UTP20: variants seen among roughly 807,000 people sequenced by gnomAD.
UTP20 encodes UTP20 small subunit processome component.
In UTP20, 164 loss-of-function variants were observed where a neutral mutation model predicts 329.5. That is an observed-to-expected ratio of 0.50 (90% CI 0.44 to 0.57). The LOEUF (loss-of-function observed/expected upper bound fraction) is 0.57. UTP20 is among the 20% of genes least tolerant of loss of function. The pLI, the probability that UTP20 is intolerant of heterozygous loss-of-function variation, is 0.00. For missense variants in UTP20, 3,055 were observed against 3,284.2 expected (o/e 0.93, Z 1.71); for synonymous variants, 1,151 against 1,159.3 (o/e 0.99, Z 0.14).
At position 101,357,079 on chromosome 12, in the gene UTP20, C is replaced by T; in HGVS notation, c.5688C>T (p.Tyr1896=). ...TACAGACTACTCTTGTCCGTGGATACCAGGTAAATTGCATCTTGTGCTTTA... is the reference window on the plus strand; with the variant it reads ...TACAGACTACTCTTGTCCGTGGATATCAGGTAAATTGCATCTTGTGCTTTA... ...KELQTTLVRG[Y]QVHVLTFTVH... Residue 1896 remains tyrosine, a synonymous_variant, in exon 43 of 62, where the codon TAC becomes TAT. Transcript: ENST00000261637. The T allele has an allele frequency of 6.2e-7, 1 of 1,606,204 alleles. No individual in the cohort carries two copies. The highest frequency in any genetic ancestry group is 1.3e-5 in the African/African-American group (1 of 74,692).
rs538029322 is a variant in UTP20, at chr12:101,354,451, G to A, written c.5108-381G>A. Among the ~76,000 whole-genome samples, 24 of 151,942 alleles carry A rather than the reference G, an allele frequency of 1.6e-4. No homozygotes were observed. The South Asian group carries it at 3.3e-3, about 21-fold the overall frequency. On this transcript the variant is annotated intron_variant, in intron 40 of 61. Transcript: ENST00000261637. ...CCCACTAACTTGTAAAATTGTAATC[G>A]CATACCAGAAACTGACAAAGACTCT...
intron 21 of UTP20, among the ~76,000 whole-genome samples, chr12:101,316,569 G>T (rs901915360): frequency 4.6e-5 from 7 of 152,236 alleles, no homozygotes; most frequent in South Asian, 4.1e-4. Context: ...TAGTGTTATC[G>T]ATCTGGAGGT....
chr12:101,317,438 C>T (rs760663682), intron 21 of UTP20, 40 bp from the exon 22 acceptor site: 30 of 1,597,206 alleles, frequency 1.9e-5, no homozygotes, highest in South Asian at 3.4e-5. Context: ...GATTGGTGTG[C>T]GTTCTTCATC....
chr12:101,351,570 T>G (rs1013578031), intron 38 of UTP20, among the ~76,000 whole-genome samples: 7 of 149,088 alleles, frequency 4.7e-5, no homozygotes, highest in Non-Finnish European at 8.9e-5. Flanking sequence ...AGGGTACATG[T>G]GCAGGATGTG....
chr12:101,352,806 T>TATA (rs57621397), intron 39 of UTP20, among the ~76,000 whole-genome samples: 30,095 of 150,566 alleles, frequency 0.2, 6,639 homozygotes, highest in East Asian at 0.54. Flanking sequence ...AAACTTAAAG[T>TATA]ATAATAATAA....
chr12:101,303,483 G>A (rs1872576653), intron 15 of UTP20, among the ~76,000 whole-genome samples: 1 of 152,170 alleles, frequency 6.6e-6, no homozygotes, highest in Admixed American at 6.5e-5. Flanking sequence ...AGGGACGTAA[G>A]CCATGAGGAT....
Position 101,306,067 on chromosome 12 carries a change from TA to T in UTP20, c.1932+4del. On this transcript the variant is annotated splice_donor_region_variant and intron_variant, in intron 16 of 61. Coordinates refer to ENST00000261637, the MANE Select transcript of UTP20 (RefSeq NM_014503.3). ...AACATTTCAACTGGTGTATCCAAGGTAATGGTGTTTTGTGGTAGTGTGTCCT... is the reference window on the plus strand; with the variant it reads ...AACATTTCAACTGGTGTATCCAAGGTATGGTGTTTTGTGGTAGTGTGTCCT... The T allele has an allele frequency of 1.9e-6, 3 of 1,609,646 alleles. No homozygotes were observed. Among genetic ancestry groups the T allele is most frequent in the Non-Finnish European group, 2.5e-6 (3 of 1,177,322 alleles).
chr12:101,379,694 A>G, intron 57 of UTP20, 136 bp downstream of exon 57: 1 of 941,204 alleles, frequency 1.1e-6, no homozygotes, highest in Non-Finnish European at 1.5e-6. Flanking sequence ...ATCAATAGGA[A>G]TATTAGTCAC....
intron 54 of UTP20, 78 bp downstream of exon 54, chr12:101,373,845 T>C: frequency 6.8e-7 from 1 of 1,462,720 alleles, no homozygotes; most frequent in Non-Finnish European, 9.3e-7. Context: ...ATATATGTCA[T>C]ACACTGTTGA....
At chr12:101,369,379 G>A (rs1263394883) in intron 48 of UTP20, among the ~76,000 whole-genome samples, 15 of 152,160 alleles carry the variant, frequency 9.9e-5, no homozygotes, top group African/African-American at 3.6e-4. Flanking sequence ...GCACTTGGGA[G>A]GCTGAGGCAG....
chr12:101,334,550 A>G (rs1868872957), intron 29 of UTP20, 46 bp downstream of exon 29: 1 of 1,535,082 alleles, frequency 6.5e-7, no homozygotes, highest in Non-Finnish European at 8.9e-7. Flanking sequence ...AGTGTTTTAG[A>G]TGAATCTGGT....
chr12:101,362,009 C>CAAT lies in UTP20; in HGVS notation c.5742_5744dup (p.Asn1914dup). The CAAT allele has an allele frequency of 6.2e-7, 1 of 1,613,692 alleles. No homozygotes were observed. The highest frequency in any genetic ancestry group is 8.5e-7 in the Non-Finnish European group (1 of 1,179,744). ...TTCACATGCTGCTGCAAGGCCTCAC[C>CAAT]AATAAGCTGCAGGTCGGAGATTTGG... On this transcript the variant is annotated inframe_insertion, in exon 44 of 62. Coordinates refer to ENST00000261637, the MANE Select transcript of UTP20 (RefSeq NM_014503.3).
intron 6 of UTP20, 41 bp downstream of exon 6, chr12:101,289,082 A>C: frequency 1.3e-6 from 2 of 1,539,230 alleles, no homozygotes; most frequent in African/African-American, 1.4e-5. Flanking sequence ...AATCATCAAG[A>C]ATCTGATGAA....
Position 101,352,173 on chromosome 12 carries a change from T to C in UTP20, c.5003T>C (p.Ile1668Thr). Reference protein sequence around the residue: ...HFIHVLQTGQINQKLGVSLLV... With the variant: ...HFIHVLQTGQTNQKLGVSLLV... ...ATTCATGTCTTACAAACGGGACAGA[T>C]CAATCAAAAACTGGGTGTCAGGTGT... Residue 1668 changes from isoleucine (I) to threonine (T), a missense_variant, in exon 39 of 62, where the codon ATC (isoleucine) becomes ACC (threonine). Ile to Thr is a moderately conservative substitution (Grantham distance 89). This residue lies in a region of UTP20 where 2,445 missense variants were observed against 2,575.5 expected (regional missense o/e 0.95). Transcript: ENST00000261637. 1 of 1,609,054 alleles carries C rather than the reference T, an allele frequency of 6.2e-7. No homozygotes were observed.
rs71091488 is a variant in UTP20 at position 101,340,937 on chromosome 12, C to CTTTTTTTTTTTTTTTTTTTTTT, written c.4101+361_4101+382dup. Among the ~76,000 whole-genome samples the CTTTTTTTTTTTTTTTTTTTTTT allele has an allele frequency of 7.2e-5, 6 of 83,024 alleles. 1 individual carries two copies. Among genetic ancestry groups the CTTTTTTTTTTTTTTTTTTTTTT allele is most frequent in the Non-Finnish European group, 1.4e-4 (5 of 36,508 alleles). 54.5% of individuals were successfully genotyped at this position (83,024 alleles called of 152,430 possible). On this transcript the variant is annotated intron_variant, in intron 32 of 61. Coordinates refer to ENST00000261637, the MANE Select transcript of UTP20 (RefSeq NM_014503.3). ...GAACCCAAGAAGTGCATTGTGTAAT[C>CTTTTTTTTTTTTTTTTTTTTTT]TTTTTTTTTTTTTTTTTTTTTTTTT...
intron 8 of UTP20, 112 bp from the exon 9 acceptor site, chr12:101,291,630 T>G: frequency 1.7e-6 from 2 of 1,179,324 alleles, no homozygotes; most frequent in African/African-American, 3.1e-5. Flanking sequence ...ATGTATCTTT[T>G]TCTTCCAAAG....
intron 15 of UTP20, among the ~76,000 whole-genome samples, chr12:101,305,370 G>T (rs189740630): frequency 6.6e-5 from 10 of 151,578 alleles, no homozygotes; most frequent in Admixed American, 2.6e-4. Context: ...CATAAGGATG[G>T]TACCAAGAGG....
chr12:101,374,950 T>TG lies in UTP20; in HGVS notation c.7263+12dup. ...GAAAACTTTAAAGATGTAAGTAATT[T>TG]GCTAGGGAATAAAACTTTTCTAACT... On this transcript the variant is annotated intron_variant, in intron 55 of 61. Transcript: ENST00000261637. 1 of 1,604,312 alleles carries TG rather than the reference T, an allele frequency of 6.2e-7. No homozygotes were observed. Among genetic ancestry groups the TG allele is most frequent in the Non-Finnish European group, 8.5e-7 (1 of 1,171,546 alleles).
chr12:101,323,931 G>A (rs970915534), intron 25 of UTP20, among the ~76,000 whole-genome samples: 1 of 152,044 alleles, frequency 6.6e-6, no homozygotes, highest in Non-Finnish European at 1.5e-5. Flanking sequence ...GAGGTCAGGA[G>A]TTGGAGACCA....
Sources: allele counts gnomAD v4.1 joint callset (sites outside exome capture counted in the v4.1 genomes callset), GRCh38; gene constraint gnomAD v4.1.1; regional missense constraint gnomAD v4.1.1; transcripts MANE v1.5; gene names NCBI Gene and HGNC (gene_info 2026-07-23, HGNC 2026-07-21).